MICAL3: variants seen among roughly 807,000 people sequenced by gnomAD.
The protein encoded by MICAL3 is [F-actin]-monooxygenase MICAL3.
Under a neutral mutation model 207.4 loss-of-function variants are expected in MICAL3, and 62 were observed. The ratio of observed to expected loss-of-function variants is 0.30; its 90% CI spans 0.24 to 0.37. The LOEUF (loss-of-function observed/expected upper bound fraction) is 0.37. MICAL3 is among the 10% of genes least tolerant of loss of function. The pLI is 1.00. For synonymous variants in MICAL3, 1,077 were observed against 1,069.3 expected, an observed-to-expected ratio of 1.01 and a Z score of -0.14; for missense variants, 2,368 against 2,635.6, an observed-to-expected ratio of 0.90 and a Z score of 2.22.
intron 1 of MICAL3, chr22:18,001,383 C>T (rs1922997027): frequency 6.6e-6 from 1 of 152,272 alleles, no homozygotes; most frequent in Non-Finnish European, 1.5e-5. Context: ...TCCCGAAGCC[C>T]CGTTCTTACC....
chr22:17,881,612 G>A (rs1321852263), intron 16 of MICAL3, among the ~76,000 whole-genome samples: 1 of 152,202 alleles, frequency 6.6e-6, no homozygotes, highest in Non-Finnish European at 1.5e-5. Context: ...GCTTGCTGAT[G>A]AGTAGAGAGG....
At chr22:17,862,232 C>T (rs1260698830) in intron 19 of MICAL3, 3 of 985,216 alleles carry the variant, frequency 3.0e-6, no homozygotes, top group Admixed American at 1.2e-4. Flanking sequence ...CATTCTGGGA[C>T]CCTGAAACAC....
Position 17,841,705 on chromosome 22 carries a change from C to T in MICAL3, c.2801+117G>A, listed in dbSNP as rs895216460. 34 of 1,034,500 alleles carry T rather than the reference C, an allele frequency of 3.3e-5. No homozygotes were observed. The highest frequency in any genetic ancestry group is 1.3e-4 in the Admixed American group (6 of 46,008). 64.1% of individuals were successfully genotyped at this position (1,034,500 alleles called of 1,614,324 possible). ...AAAAGGGACTGGGGAGAATGGACTG[C>T]GGGCAGCAGGAAAGACAGGAGGCCT... On this transcript the variant is annotated intron_variant, in intron 20 of 31. Coordinates refer to ENST00000441493, the MANE Select transcript of MICAL3 (RefSeq NM_015241.3). This position sits in a 1 kb window ranked among gnomAD's most constrained non-coding sequence, Gnocchi z 4.2.
chr22:17,793,538 C>T lies in MICAL3; in HGVS notation c.5651-2237G>A, dbSNP rs2061846741. Reference sequence around the variant, plus strand: ...TCTGGCTTTACTCTGCACCCTGGTCCTCCCCATAGACAGTCAAAGGGATAC... The same window carrying T: ...TCTGGCTTTACTCTGCACCCTGGTCTTCCCCATAGACAGTCAAAGGGATAC... On this transcript the variant is annotated intron_variant, in intron 29 of 31. Coordinates refer to ENST00000441493, the MANE Select transcript of MICAL3 (RefSeq NM_015241.3). This position sits in a 1 kb window ranked among gnomAD's most constrained non-coding sequence, Gnocchi z 4.1. Among the ~76,000 whole-genome samples, 1 of 152,188 alleles carries T rather than the reference C, an allele frequency of 6.6e-6. No individual in the cohort carries two copies. The highest frequency in any genetic ancestry group is 2.4e-5 in the African/African-American group (1 of 41,454).
intron 1 of MICAL3, among the ~76,000 whole-genome samples, chr22:17,994,737 A>T (rs1423206888): frequency 6.6e-6 from 1 of 152,106 alleles, no homozygotes; most frequent in African/African-American, 2.4e-5. Context: ...AAAAAAAGAA[A>T]AAAAAAGAAG....
chr22:17,994,329 C>T (rs1005833068), intron 1 of MICAL3, among the ~76,000 whole-genome samples: 8 of 152,200 alleles, frequency 5.3e-5, no homozygotes, highest in African/African-American at 1.9e-4. Context: ...GGAGTGAGCA[C>T]TCTGCATCTT....
intron 16 of MICAL3, among the ~76,000 whole-genome samples, chr22:17,883,354 G>C (rs190100984): frequency 1.3e-5 from 2 of 152,184 alleles, no homozygotes; most frequent in Non-Finnish European, 2.9e-5. Context: ...TGGTTAGAAA[G>C]GAACATTTTT....
chr22:18,003,643 C>T (rs554354817), intron 1 of MICAL3, among the ~76,000 whole-genome samples: 5 of 152,334 alleles, frequency 3.3e-5, no homozygotes, highest in African/African-American at 1.2e-4. Flanking sequence ...GCCTGCTAGG[C>T]TTACAATTTG....
At chr22:17,949,202 A>G (rs1934218862) in intron 1 of MICAL3, among the ~76,000 whole-genome samples, 1 of 152,206 alleles carries the variant, frequency 6.6e-6, no homozygotes, top group African/African-American at 2.4e-5. Flanking sequence ...AGAGTGAGAA[A>G]TTATCTCGAA....
chr22:17,943,702 T>TG (rs1933917509), intron 1 of MICAL3, among the ~76,000 whole-genome samples: 1 of 152,156 alleles, frequency 6.6e-6, no homozygotes, highest in African/African-American at 2.4e-5. Flanking sequence ...AAAAGAGCAA[T>TG]AATAGCTTTG....
intron 1 of MICAL3, among the ~76,000 whole-genome samples, chr22:18,007,710 T>C (rs903127467): frequency 3.5e-5 from 5 of 143,700 alleles, no homozygotes; most frequent in Admixed American, 2.7e-4. Flanking sequence ...TCCCAGCACT[T>C]TGGGAGGCCG....
chr22:17,857,717 G>A (rs961155928), intron 19 of MICAL3, among the ~76,000 whole-genome samples: 1 of 152,256 alleles, frequency 6.6e-6, no homozygotes, highest in African/African-American at 2.4e-5. Flanking sequence ...CCAAGAGTCT[G>A]CAGCAAGGCG....
In MICAL3 at chr22:17,796,674, G is replaced by C. The variant is rs2061879601; in HGVS notation, c.5651-5373C>G. Among the ~76,000 whole-genome samples, 1 of 152,238 alleles carries C rather than the reference G, an allele frequency of 6.6e-6. No homozygotes were observed. The highest frequency in any genetic ancestry group is 6.5e-5 in the Admixed American group (1 of 15,288). On this transcript the variant is annotated intron_variant, in intron 29 of 31. Transcript: ENST00000441493. This position sits in a 1 kb window ranked among gnomAD's most constrained non-coding sequence, Gnocchi z 4.4. ...AGACCCTGATCAGAATGTCACACCT[G>C]GAAGGGAGGCCCGATGTCCCTTCCT...
Position 17,818,002 on chromosome 22 carries a change from G to C in MICAL3, c.4659C>G (p.Pro1553=). The C allele has an allele frequency of 6.2e-7, 1 of 1,612,220 alleles. No homozygotes were observed. Among genetic ancestry groups the C allele is most frequent in the South Asian group, 1.1e-5 (1 of 91,070 alleles). Residue 1553 remains proline (P), a synonymous_variant, in exon 26 of 32, where the codon CCC becomes CCG. Transcript: ENST00000441493. ...FFTPPSCWPR[P]EKPRHPPLAK... ...CCAGGGGCGGGTGGCGAGGCTTCTCGGGGCGCGGCCAGCAGGACGGGGGCG... is the reference window on the plus strand; with the variant it reads ...CCAGGGGCGGGTGGCGAGGCTTCTCCGGGCGCGGCCAGCAGGACGGGGGCG...
rs778530864 is a variant in MICAL3, at chr22:17,810,763, C to T, written c.5496G>A (p.Val1832=). ...EELNAKLTRR[V]QKAARRQAKQ... ...TGGCCTGTCTCCGAGCTGCCTTTTG[C>T]ACACGCCGGGTCAGCTTGGCATTCA... The change falls in exon 28 of 32, where the codon GTG becomes GTA. Residue 1832 remains valine, a synonymous_variant. Transcript: ENST00000441493. The T allele has an allele frequency of 6.2e-7, 1 of 1,614,000 alleles. No individual in the cohort carries two copies. The highest frequency in any genetic ancestry group is 8.5e-7 in the Non-Finnish European group (1 of 1,179,864).
intron 1 of MICAL3, among the ~76,000 whole-genome samples, chr22:17,944,369 C>T (rs1441336033): frequency 1.3e-5 from 2 of 152,140 alleles, no homozygotes; most frequent in South Asian, 2.1e-4. Context: ...TAGGAGAGGG[C>T]GCAGGGTTCC....
intron 1 of MICAL3, among the ~76,000 whole-genome samples, chr22:17,991,854 G>T (rs1201221880): frequency 6.6e-6 from 1 of 152,154 alleles, no homozygotes. Context: ...GGAGATGGAG[G>T]AATGGGGGGC....
chr22:17,792,175 G>C (rs2061831307), intron 29 of MICAL3, among the ~76,000 whole-genome samples: 1 of 152,198 alleles, frequency 6.6e-6, no homozygotes, highest in Non-Finnish European at 1.5e-5. Flanking sequence ...AGAGAACAAG[G>C]TCCTTTTCCT....
intron 13 of MICAL3, 89 bp from the exon 14 acceptor site, chr22:17,887,524 G>A: frequency 5.0e-6 from 4 of 796,916 alleles, no homozygotes; most frequent in Non-Finnish European, 6.2e-6. Flanking sequence ...TGGATGGTTC[G>A]CAGAGCCTCA....
Sources: gnomAD v4.1 joint callset for allele counts (sites outside exome capture counted in the v4.1 genomes callset) on GRCh38, gnomAD v4.1.1 for gene constraint, Gnocchi (gnomAD v3.1) non-coding constraint, MANE v1.5 for transcripts, NCBI Gene and HGNC (gene_info 2026-07-23, HGNC 2026-07-21) for gene names.